AGBL4: variants seen among roughly 807,000 people sequenced by gnomAD.
AGBL4 encodes AGBL carboxypeptidase 4, also known as cytosolic carboxypeptidase 6.
A neutral mutation model predicts 66.4 loss-of-function variants in AGBL4; 58 were observed. The ratio of observed to expected loss-of-function variants is 0.87; its 90% CI spans 0.71 to 1.09. AGBL4 has a LOEUF of 1.09. AGBL4 is among the 50% of genes least tolerant of loss of function. The pLI, the probability that AGBL4 is intolerant of heterozygous loss-of-function variation, is 0.00. For missense variants in AGBL4, 579 were observed against 631.0 expected (o/e 0.92, Z 0.88); for synonymous variants, 234 against 222.9 (o/e 1.05, Z -0.44).
intron 1 of AGBL4, among the ~76,000 whole-genome samples, chr1:49,868,274 T>C (rs1460727620): frequency 6.6e-6 from 1 of 152,096 alleles, no homozygotes; most frequent in Admixed American, 6.6e-5. Flanking sequence ...AGAAAAAAAC[T>C]ACTTTAAAAT....
intron 3 of AGBL4, among the ~76,000 whole-genome samples, chr1:49,302,549 C>T (rs1032134548): frequency 2.7e-5 from 4 of 150,458 alleles, no homozygotes; most frequent in Non-Finnish European, 5.9e-5. Context: ...GCCACTGTGC[C>T]CAGCCCACAT....
chr1:49,183,252 A>G (rs1397812935), intron 4 of AGBL4, among the ~76,000 whole-genome samples: 1 of 152,170 alleles, frequency 6.6e-6, no homozygotes, highest in Non-Finnish European at 1.5e-5. Context: ...GCACATGTGT[A>G]TATTAAAAAC....
chr1:49,827,045 G>A (rs1645528636), intron 2 of AGBL4, among the ~76,000 whole-genome samples: 1 of 152,088 alleles, frequency 6.6e-6, no homozygotes, highest in Non-Finnish European at 1.5e-5. Flanking sequence ...ATTTGATATT[G>A]GTTAGCAGAA....
At chr1:49,672,889 C>G (rs189513335) in intron 3 of AGBL4, among the ~76,000 whole-genome samples, 2 of 144,766 alleles carry the variant, frequency 1.4e-5, no homozygotes, top group Admixed American at 7.0e-5. Flanking sequence ...CCATTGCACT[C>G]CAGCCTGGGC....
chr1:49,330,127 T>A (rs1371546590), intron 3 of AGBL4, among the ~76,000 whole-genome samples: 1 of 152,178 alleles, frequency 6.6e-6, no homozygotes, highest in African/African-American at 2.4e-5. Context: ...TCCTTTAAAA[T>A]TCTTTTGGCC....
intron 3 of AGBL4, among the ~76,000 whole-genome samples, chr1:49,619,237 A>C (rs1645309706): frequency 6.6e-6 from 1 of 152,212 alleles, no homozygotes; most frequent in Non-Finnish European, 1.5e-5. Flanking sequence ...CTCAGCCAAA[A>C]ATCTTCTTAA....
At chr1:49,855,064 C>T (rs1037778288) in intron 1 of AGBL4, among the ~76,000 whole-genome samples, 1 of 152,148 alleles carries the variant, frequency 6.6e-6, no homozygotes, top group Non-Finnish European at 1.5e-5. Flanking sequence ...GCCTCCCCAG[C>T]CATGTGGAAC....
chr1:49,463,783 A>T (rs1244485768), intron 3 of AGBL4, among the ~76,000 whole-genome samples: 1 of 151,800 alleles, frequency 6.6e-6, no homozygotes, highest in Admixed American at 6.6e-5. Context: ...GATGACATTG[A>T]ATCAAAACCT....
At chr1:49,067,088 T>C (rs1307886967) in intron 4 of AGBL4, among the ~76,000 whole-genome samples, 1 of 152,054 alleles carries the variant, frequency 6.6e-6, no homozygotes, top group Non-Finnish European at 1.5e-5. Context: ...CGGTAAGAAG[T>C]ATTCTAAGTG....
At chr1:49,897,626 A>G (rs1442180843) in intron 1 of AGBL4, among the ~76,000 whole-genome samples, 3 of 152,062 alleles carry the variant, frequency 2.0e-5, no homozygotes, top group Non-Finnish European at 1.5e-5. Flanking sequence ...ATGGAGCCAC[A>G]AAAGACTCAG....
intron 3 of AGBL4, among the ~76,000 whole-genome samples, chr1:49,331,644 C>G (rs950700020): frequency 6.6e-6 from 1 of 151,580 alleles, no homozygotes; most frequent in Non-Finnish European, 1.5e-5. Context: ...AGCGACAGAA[C>G]TCTGATCTCT....
intron 5 of AGBL4, among the ~76,000 whole-genome samples, chr1:48,976,178 G>C (rs1004546963): frequency 2.0e-5 from 3 of 152,136 alleles, no homozygotes; most frequent in African/African-American, 7.2e-5. Context: ...TCTAACTAAA[G>C]AGTACCCACT....
chr1:48,627,165 C>T (rs989698322), intron 9 of AGBL4, among the ~76,000 whole-genome samples: 3 of 152,072 alleles, frequency 2.0e-5, no homozygotes, highest in Admixed American at 1.3e-4. Context: ...AGTTGCCATC[C>T]GAGGGCCTTC....
chr1:48,945,141 C>T (rs576915636), intron 5 of AGBL4, among the ~76,000 whole-genome samples: 74 of 152,276 alleles, frequency 4.9e-4, no homozygotes, highest in African/African-American at 1.7e-3. Flanking sequence ...CTCTTCAAAG[C>T]TCACAGAAGA....
chr1:49,947,592 G>A (rs1394843056), intron 1 of AGBL4, among the ~76,000 whole-genome samples: 1 of 151,622 alleles, frequency 6.6e-6, no homozygotes, highest in Non-Finnish European at 1.5e-5. Context: ...ACATTATACT[G>A]AATTGGGAAA....
At chr1:48,604,617 T>G (rs191853463) in intron 9 of AGBL4, among the ~76,000 whole-genome samples, 1 of 152,086 alleles carries the variant, frequency 6.6e-6, no homozygotes, top group African/African-American at 2.4e-5. Context: ...AGGTTTTTTT[T>G]TAAAAAAAAT....
chr1:48,630,044 C>T (rs896730297), intron 9 of AGBL4, among the ~76,000 whole-genome samples: 37 of 152,186 alleles, frequency 2.4e-4, no homozygotes, highest in Non-Finnish European at 3.2e-4. Flanking sequence ...TAACCAGACC[C>T]TTTCCCTGGG....
chr1:49,109,178 C>T (rs951058019), intron 4 of AGBL4, among the ~76,000 whole-genome samples: 1 of 152,188 alleles, frequency 6.6e-6, no homozygotes, highest in Admixed American at 6.5e-5. Flanking sequence ...CTTCTCTCCT[C>T]GGTAGCATCA....
At chr1:49,916,465 A>G (rs1651508387) in intron 1 of AGBL4, among the ~76,000 whole-genome samples, 2 of 152,256 alleles carry the variant, frequency 1.3e-5, no homozygotes, top group Non-Finnish European at 2.9e-5. Context: ...AATTCGATCA[A>G]CTCAAAGAAA....
Sources: allele counts gnomAD v4.1 joint callset (sites outside exome capture counted in the v4.1 genomes callset), GRCh38; gene constraint gnomAD v4.1.1; transcripts MANE v1.5; gene names NCBI Gene and HGNC (gene_info 2026-07-23, HGNC 2026-07-21).